Variants in SPATA9 observed in about 807,000 individuals in gnomAD.
SPATA9 encodes spermatogenesis associated 9, also known as spermatogenesis-associated protein 9.
In SPATA9, 27 loss-of-function variants were observed where a neutral mutation model predicts 25.5. The ratio of observed to expected loss-of-function variants is 1.06; its 90% CI spans 0.78 to 1.46. The LOEUF (loss-of-function observed/expected upper bound fraction) is 1.46, where lower values mean the gene tolerates loss of function less well. Ranked by LOEUF, SPATA9 falls within the 40% of genes most tolerant of loss-of-function variation. The pLI is 0.00. For synonymous variants in SPATA9, 102 were observed against 105.7 expected, an observed-to-expected ratio of 0.97 and a Z score of 0.21; for missense variants, 282 against 297.5, an observed-to-expected ratio of 0.95 and a Z score of 0.38.
chr5:95,723,026 G>C, the SPATA9 span, among the ~76,000 whole-genome samples: 1 of 152,064 alleles, frequency 6.6e-6, no homozygotes, highest in African/African-American at 2.4e-5. Flanking sequence ...TTCAAACAAA[G>C]AAACAAACAT....
At chr5:95,690,471 A>G (rs936880334) in intron 1 of SPATA9, among the ~76,000 whole-genome samples, 1 of 152,190 alleles carries the variant, frequency 6.6e-6, no homozygotes, top group Non-Finnish European at 1.5e-5. Context: ...CCAAAAAGTT[A>G]GAATAATTTT....
chr5:95,653,121 G>A (rs1750461108), exon 9 of SPATA9: 2 of 1,551,506 alleles, frequency 1.3e-6, no homozygotes, highest in Non-Finnish European at 1.7e-6. Flanking sequence ...TTTCAGTATG[G>A]AATTCTCTTC....
intron 1 of SPATA9, among the ~76,000 whole-genome samples, chr5:95,690,648 G>A (rs1015838217): frequency 5.9e-5 from 9 of 151,980 alleles, no homozygotes; most frequent in Non-Finnish European, 1.2e-4. Context: ...AGATATTATG[G>A]GTTTCCTAAT....
chr5:95,704,553 T>C, the SPATA9 span, among the ~76,000 whole-genome samples: 22 of 152,324 alleles, frequency 1.4e-4, no homozygotes, highest in African/African-American at 5.0e-4. Context: ...ATAGGTCTCC[T>C]TTAAATGATT....
At chr5:95,660,444 G>A (rs1330171236) in intron 4 of SPATA9, among the ~76,000 whole-genome samples, 2 of 152,158 alleles carry the variant, frequency 1.3e-5, no homozygotes, top group Non-Finnish European at 2.9e-5. Context: ...ACAAACCTGG[G>A]AATTGCCTAA....
chr5:95,716,242 C>T, the SPATA9 span, among the ~76,000 whole-genome samples: 1 of 152,180 alleles, frequency 6.6e-6, no homozygotes, highest in Non-Finnish European at 1.5e-5. Flanking sequence ...CCTAGAAAAG[C>T]CACAGACGCT....
At chr5:95,653,093 C>T in exon 9 of SPATA9, 1 of 1,550,900 alleles carries the variant, frequency 6.4e-7, no homozygotes, top group Non-Finnish European at 8.7e-7. Context: ...TTCCTTCAGG[C>T]TTTTGTATTT....
chr5:95,670,500 C>T (rs1315457288), intron 3 of SPATA9: 1 of 152,112 alleles, frequency 6.6e-6, no homozygotes, highest in Non-Finnish European at 1.5e-5. Context: ...TGAAAGACAC[C>T]TTCAGGTAAG....
At chr5:95,679,945 T>C (rs914548713) in intron 2 of SPATA9, among the ~76,000 whole-genome samples, 2 of 152,284 alleles carry the variant, frequency 1.3e-5, no homozygotes, top group Non-Finnish European at 2.9e-5. Context: ...TCGCCCAGGC[T>C]GGCGTGCAGT....
At chr5:95,731,970 C>T in the SPATA9 span, 17 of 1,614,048 alleles carry the variant, frequency 1.1e-5, no homozygotes, top group East Asian at 2.2e-5. Context: ...TCTCCGGGGA[C>T]GAGAGCAGCT....
chr5:95,708,583 T>G, the SPATA9 span: 32 of 696,180 alleles, frequency 4.6e-5, no homozygotes, highest in Non-Finnish European at 7.6e-5. Context: ...AGCGTCAGGG[T>G]GATTCCCAGG....
the SPATA9 span, among the ~76,000 whole-genome samples, chr5:95,706,335 T>C: frequency 0.055 from 8,149 of 147,666 alleles, 641 homozygotes; most frequent in African/African-American, 0.18. Context: ...GATCTTGTGA[T>C]AGTGAGTGAG....
At chr5:95,731,746 CAG>C in the SPATA9 span, 66 of 1,610,294 alleles carry the variant, frequency 4.1e-5, no homozygotes, top group Non-Finnish European at 5.6e-5. Flanking sequence ...GCCCCAGGGA[CAG>C]GGGCTGGTGC....
chr5:95,655,461 A>G (rs1490188587), downstream of SPATA9: 5 of 152,266 alleles, frequency 3.3e-5, no homozygotes, highest in Non-Finnish European at 7.3e-5. Context: ...CTTCTTAGAC[A>G]TGCAGAATCT....
At chr5:95,677,343 T>G (rs1753032563) in intron 2 of SPATA9, among the ~76,000 whole-genome samples, 1 of 152,220 alleles carries the variant, frequency 6.6e-6, no homozygotes, top group South Asian at 2.1e-4. Flanking sequence ...AATGAATGAT[T>G]GAAGAGTATC....
downstream of SPATA9, chr5:95,652,864 C>T: frequency 2.3e-6 from 1 of 435,714 alleles, no homozygotes; most frequent in East Asian, 4.2e-5. Flanking sequence ...GATTTCTGGG[C>T]ATCCATTGTT....
At chr5:95,707,180 T>C in the SPATA9 span, among the ~76,000 whole-genome samples, 1 of 152,148 alleles carries the variant, frequency 6.6e-6, no homozygotes, top group African/African-American at 2.4e-5. Flanking sequence ...GAATTTACCA[T>C]GAATAAGCCC....
chr5:95,671,421 T>G (rs77173571), intron 3 of SPATA9, among the ~76,000 whole-genome samples: 1 of 152,206 alleles, frequency 6.6e-6, no homozygotes, highest in African/African-American at 2.4e-5. Flanking sequence ...ACTTTTTTTT[T>G]GTTTTTGAGA....
chr5:95,727,266 T>C, the SPATA9 span, among the ~76,000 whole-genome samples: 1 of 150,540 alleles, frequency 6.6e-6, no homozygotes, highest in Non-Finnish European at 1.5e-5. Flanking sequence ...GATTCTTCTA[T>C]GCAAACCTAG....
Sources: gnomAD v4.1 joint callset for allele counts (sites outside exome capture counted in the v4.1 genomes callset) on GRCh38, gnomAD v4.1.1 for gene constraint, MANE v1.5 for transcripts, NCBI Gene and HGNC (gene_info 2026-07-23, HGNC 2026-07-21) for gene names.